Variants in PALMD observed in about 807,000 individuals in gnomAD.
PALMD encodes the protein paralemmin-like protein.
A neutral mutation model predicts 56.2 loss-of-function variants in PALMD; 42 were observed. The ratio of observed to expected loss-of-function variants is 0.75; its 90% confidence interval spans 0.58 to 0.97. The LOEUF is 0.97. Ranked by LOEUF, PALMD falls within the 50% of genes least tolerant of loss-of-function variation. PALMD has a pLI of 0.00. For missense variants in PALMD, 660 were observed against 643.8 expected, an observed-to-expected ratio of 1.03 and a Z score of -0.27; for synonymous variants, 242 against 222.9, an observed-to-expected ratio of 1.09 and a Z score of -0.76.
At chr1:99,670,963 T>G (rs894820279) in intron 3 of PALMD, among the ~76,000 whole-genome samples, 22 of 152,206 alleles carry the variant, frequency 1.4e-4, no homozygotes, top group Admixed American at 1.0e-3. Context: ...CCTAAACAAG[T>G]ACCCACAGTG....
chr1:99,678,457 G>T (rs1371369477), intron 3 of PALMD, among the ~76,000 whole-genome samples: 1 of 151,982 alleles, frequency 6.6e-6, no homozygotes, highest in African/African-American at 2.4e-5. Flanking sequence ...TGTTGTAGGG[G>T]TTTATGAACA....
chr1:99,677,602 T>C (rs1653243627), intron 3 of PALMD, among the ~76,000 whole-genome samples: 1 of 152,156 alleles, frequency 6.6e-6, no homozygotes. Flanking sequence ...GCAGTTCAAT[T>C]TTAATGGCAT....
At chr1:99,692,674 G>T (rs1653675875) in intron 7 of PALMD, among the ~76,000 whole-genome samples, 2 of 152,084 alleles carry the variant, frequency 1.3e-5, no homozygotes, top group Non-Finnish European at 2.9e-5. Flanking sequence ...AAAGCAATTT[G>T]CCCGTGACTT....
At chr1:99,671,371 G>A (rs1447234989) in intron 3 of PALMD, among the ~76,000 whole-genome samples, 1 of 152,130 alleles carries the variant, frequency 6.6e-6, no homozygotes, top group Non-Finnish European at 1.5e-5. Flanking sequence ...GCTTGGCCAT[G>A]TTCTTTCATT....
In PALMD at chr1:99,693,992, C is replaced by T. The variant is rs573676293; in HGVS notation, c.1613-27C>T. The T allele has an allele frequency of 5.2e-6, 8 of 1,542,304 alleles. No individual in the cohort carries two copies. The African/African-American group carries it at 8.9e-5, about 17-fold the overall frequency. On this transcript the variant is annotated intron_variant, in intron 7 of 7. Coordinates refer to ENST00000263174, the MANE Select transcript of PALMD (RefSeq NM_017734.5). ...TAAAAATTGAGGATTTTTTTTATAA[C>T]TCTCTTTTTTTTTCTTTAATTTGCA...
intron 7 of PALMD, among the ~76,000 whole-genome samples, chr1:99,691,773 A>G (rs1044523899): frequency 2.0e-5 from 3 of 152,178 alleles, no homozygotes; most frequent in African/African-American, 7.2e-5. Flanking sequence ...ATTTAGGTCA[A>G]TTCCTTTATT....
intron 1 of PALMD, among the ~76,000 whole-genome samples, chr1:99,660,663 T>TA (rs1652827967): frequency 6.6e-6 from 1 of 151,996 alleles, no homozygotes; most frequent in Non-Finnish European, 1.5e-5. Flanking sequence ...AAGAAATACT[T>TA]ACGAAATTTT....
intron 1 of PALMD, among the ~76,000 whole-genome samples, chr1:99,647,734 G>T (rs1652475004): frequency 6.6e-6 from 1 of 152,214 alleles, no homozygotes; most frequent in Non-Finnish European, 1.5e-5. Flanking sequence ...TAGACTGCGT[G>T]AGTTGTGTGG....
In PALMD at chr1:99,694,058, T is replaced by C. The variant is rs1384079340; in HGVS notation, c.1652T>C (p.Ile551Thr). The C allele has an allele frequency of 2.5e-5, 40 of 1,595,882 alleles. No individual in the cohort carries two copies. Among genetic ancestry groups the C allele is most frequent in the Non-Finnish European group, 3.3e-5 (38 of 1,165,260 alleles). ...ATGGCAAAGCTGGGAAAAAAGGTGA[T>C]CTAAGAGTTGTACCACCTATATAAA... ...MRMAKLGKKV[I>T] The change falls in exon 8 of 8, where the codon ATC (isoleucine) becomes ACC (threonine). Residue 551 changes from isoleucine to threonine, a missense_variant. Physicochemically the swap from Ile to Thr is moderately conservative, Grantham distance 89. Coordinates refer to ENST00000263174, the MANE Select transcript of PALMD (RefSeq NM_017734.5).
intron 3 of PALMD, among the ~76,000 whole-genome samples, chr1:99,680,116 C>T (rs1653305473): frequency 6.6e-6 from 1 of 152,140 alleles, no homozygotes. Context: ...CCACCAAAAG[C>T]TGAGAGAGAT....
chr1:99,681,105 A>ATGTGTGTGTGTGTG (rs56957907), intron 3 of PALMD, among the ~76,000 whole-genome samples: 1 of 148,750 alleles, frequency 6.7e-6, no homozygotes, highest in African/African-American at 2.5e-5. Flanking sequence ...GTGTGTATAT[A>ATGTGTGTGTGTGTG]TGTGTGTGTG....
intron 1 of PALMD, among the ~76,000 whole-genome samples, chr1:99,659,135 TAATC>T (rs1652791755): frequency 6.6e-6 from 1 of 152,224 alleles, no homozygotes. Context: ...AGCACATTGT[TAATC>T]AATAATATAA....
intron 1 of PALMD, among the ~76,000 whole-genome samples, chr1:99,652,442 A>G (rs1187448317): frequency 6.6e-6 from 1 of 151,950 alleles, no homozygotes; most frequent in Non-Finnish European, 1.5e-5. Flanking sequence ...TGTCTCTACT[A>G]AAAATACAAA....
rs908830863 is a variant in PALMD at position 99,694,356 on chromosome 1, A to C, written c.*294A>C. ...CTAATAAGAGCTTGTTAAATTTAAG[A>C]ATAAAGTTATTTAAAATATTCTGAG... is the stretch of plus-strand genomic sequence containing the variant. On this transcript the variant is annotated 3_prime_UTR_variant, in exon 8 of 8. Coordinates refer to ENST00000263174, the MANE Select transcript of PALMD (RefSeq NM_017734.5). 2.0e-5 allele frequency: 5 copies of C among 244,050 alleles called. No individual in the cohort carries two copies. The highest frequency in any genetic ancestry group is 4.0e-5 in the Non-Finnish European group (5 of 126,534). The allele number at this position is 244,050 out of a possible 1,614,324, so 15.1% of individuals were successfully genotyped here.
intron 2 of PALMD, 22 bp from the exon 3 acceptor site, chr1:99,667,620 T>G: frequency 1.2e-6 from 2 of 1,605,014 alleles, no homozygotes; most frequent in Non-Finnish European, 1.7e-6. Flanking sequence ...TAAGAACATA[T>G]CTTTATGTTT....
chr1:99,691,856 C>T (rs886569462), intron 7 of PALMD, among the ~76,000 whole-genome samples: 6 of 152,050 alleles, frequency 3.9e-5, no homozygotes, highest in African/African-American at 1.2e-4. Context: ...AGTCTCTTTT[C>T]CCTTGGTATA....
Position 99,688,784 on chromosome 1 carries a change from C to T in PALMD, c.524C>T (p.Ala175Val), listed in dbSNP as rs1440537866. ...DDEQNRKALYAMEIKVEKDLK... is the reference protein window; with the variant it reads ...DDEQNRKALYVMEIKVEKDLK... ...ATTTGTTTCTTAACAGCTTTATATG[C>T]CATGGAAATTAAAGTTGAAAAAGAC... Residue 175 changes from alanine (A) to valine (V), a missense_variant, in exon 7 of 8, where the codon GCC (alanine) becomes GTC (valine). By Grantham distance (64) the Ala-to-Val change is moderately conservative (BLOSUM62 0). Coordinates refer to ENST00000263174, the MANE Select transcript of PALMD (RefSeq NM_017734.5). The T allele has an allele frequency of 1.9e-6, 3 of 1,591,508 alleles. No homozygotes were observed. Among genetic ancestry groups the T allele is most frequent in the South Asian group, 1.2e-5 (1 of 86,906 alleles).
At chr1:99,648,673 C>T (rs1310342442) in intron 1 of PALMD, among the ~76,000 whole-genome samples, 1 of 151,214 alleles carries the variant, frequency 6.6e-6, no homozygotes, top group Non-Finnish European at 1.5e-5. Context: ...AAAAAAAAAA[C>T]TTTTACACTC....
chr1:99,662,089 T>A (rs1652860158), intron 1 of PALMD, among the ~76,000 whole-genome samples: 1 of 152,168 alleles, frequency 6.6e-6, no homozygotes, highest in Non-Finnish European at 1.5e-5. Context: ...TGAAGAAGGA[T>A]GTTTAAGCCC....
Sources: allele counts gnomAD v4.1 joint callset (sites outside exome capture counted in the v4.1 genomes callset), GRCh38; gene constraint gnomAD v4.1.1; transcripts MANE v1.5; gene names NCBI Gene and HGNC (gene_info 2026-07-23, HGNC 2026-07-21).